The following LRRIQ1 variants were observed in gnomAD, a reference collection of about 807,000 sequenced individuals.
LRRIQ1 encodes the protein leucine rich repeats and IQ motif containing 1, also known as leucine-rich repeat- and IQ domain-containing protein 1.
A neutral mutation model predicts 211.9 loss-of-function variants in LRRIQ1; 210 were observed. That is an observed-to-expected ratio of 0.99 (90% confidence interval 0.89 to 1.11). LRRIQ1 has a LOEUF of 1.11. Ranked by LOEUF, LRRIQ1 falls within the 50% of genes most tolerant of loss-of-function variation. The pLI is 0.00. For synonymous variants in LRRIQ1, 699 were observed against 650.1 expected (o/e 1.08, Z -1.14); for missense variants, 2,136 against 1,939.5 (o/e 1.10, Z -1.90).
At chr12:85,130,039 G>A (rs1016903746) in intron 18 of LRRIQ1, among the ~76,000 whole-genome samples, 1 of 152,104 alleles carries the variant, frequency 6.6e-6, no homozygotes, top group Non-Finnish European at 1.5e-5. Flanking sequence ...TATTTAGGAA[G>A]AGCAACTGGA....
In LRRIQ1 at chr12:85,072,978, T is replaced by G; in HGVS notation, c.2767T>G (p.Ser923Ala). 6.2e-7 allele frequency: 1 copy of G among 1,612,950 alleles called. No individual in the cohort carries two copies. The highest frequency in any genetic ancestry group is 2.2e-5 in the East Asian group (1 of 44,822). Residue 923 changes from serine to alanine, a missense_variant, in exon 11 of 27, where the codon TCT (serine) becomes GCT (alanine). Physicochemically the swap from Ser to Ala is moderately conservative, Grantham distance 99. Transcript: ENST00000393217. ...CTGCCATCACTTGGGCACCTCCACT[T>G]CTTACTTATCCCTGGCACAAGTCTG... is the stretch of plus-strand genomic sequence containing the variant. The part of the protein sequence containing the change: ...GFCHHLGTST[S>A]YLSLAQVWIP...
intron 1 of LRRIQ1, among the ~76,000 whole-genome samples, chr12:85,257,072 A>AT (rs1896123751): frequency 8.7e-6 from 1 of 115,208 alleles, no homozygotes; most frequent in South Asian, 2.2e-4. Context: ...ATAATTATAT[A>AT]AATATATATA....
intron 24 of LRRIQ1, among the ~76,000 whole-genome samples, chr12:85,208,426 T>C (rs1893672506): frequency 6.6e-6 from 1 of 151,976 alleles, no homozygotes; most frequent in Non-Finnish European, 1.5e-5. Flanking sequence ...ATATAGAACA[T>C]AAATTAACTA....
intron 24 of LRRIQ1, among the ~76,000 whole-genome samples, chr12:85,173,333 G>GC: frequency 6.6e-6 from 1 of 152,094 alleles, no homozygotes; most frequent in East Asian, 1.9e-4. Context: ...AAGGCCCTAG[G>GC]CCATTCTTCT....
chr12:85,251,351 CTG>C (rs1895937812), intron 1 of LRRIQ1, among the ~76,000 whole-genome samples: 1 of 151,842 alleles, frequency 6.6e-6, no homozygotes, highest in South Asian at 2.1e-4. Context: ...CTAGGAAAAA[CTG>C]TTAACTAGAG....
At chr12:85,058,594 T>C (rs961121846) in intron 8 of LRRIQ1, among the ~76,000 whole-genome samples, 2 of 151,982 alleles carry the variant, frequency 1.3e-5, no homozygotes, top group Admixed American at 6.6e-5. Context: ...GAAGTTAAGA[T>C]GTGTGAGCCT....
At chr12:85,270,412 T>C in the LRRIQ1 span, among the ~76,000 whole-genome samples, 1 of 152,042 alleles carries the variant, frequency 6.6e-6, no homozygotes, top group African/African-American at 2.4e-5. Flanking sequence ...ACCTGAATAG[T>C]ACTTTGGGGT....
chr12:85,162,198 A>T (rs1270266708), intron 24 of LRRIQ1, among the ~76,000 whole-genome samples: 2 of 152,108 alleles, frequency 1.3e-5, no homozygotes, highest in African/African-American at 2.4e-5. Context: ...ACATTTAAAA[A>T]TTTTGGTGCC....
chr12:85,230,809 G>A (rs561870997), intron 25 of LRRIQ1, among the ~76,000 whole-genome samples: 172 of 152,224 alleles, frequency 1.1e-3, no homozygotes, highest in African/African-American at 3.9e-3. Context: ...CAGCACTTTG[G>A]GAGGCCGAGG....
At chr12:85,176,811 A>G (rs1029635672) in intron 24 of LRRIQ1, among the ~76,000 whole-genome samples, 1 of 152,134 alleles carries the variant, frequency 6.6e-6, no homozygotes, top group Non-Finnish European at 1.5e-5. Context: ...TAGTCATGGT[A>G]ACAATAACAT....
At chr12:85,145,293 G>A (rs1889813734) in intron 19 of LRRIQ1, among the ~76,000 whole-genome samples, 2 of 151,450 alleles carry the variant, frequency 1.3e-5, no homozygotes, top group South Asian at 4.2e-4. Flanking sequence ...AAATTATCAT[G>A]ATAAATTAGC....
chr12:85,165,424 A>C (rs1251684396), intron 24 of LRRIQ1, among the ~76,000 whole-genome samples: 1 of 150,198 alleles, frequency 6.7e-6, no homozygotes, highest in African/African-American at 2.4e-5. Context: ...TAATTGCCTT[A>C]AGATAGTGGC....
At chr12:85,257,218 G>A (rs1896145497) in intron 1 of LRRIQ1, among the ~76,000 whole-genome samples, 2 of 3,682 alleles carry the variant, frequency 5.4e-4, no homozygotes, top group South Asian at 0.031. Context: ...TATAAAGACT[G>A]GTTTCAAAGG....
chr12:85,250,897 A>AAGATTATATAT (rs1895908499), intron 1 of LRRIQ1, among the ~76,000 whole-genome samples: 5 of 96,294 alleles, frequency 5.2e-5, no homozygotes, highest in African/African-American at 2.5e-4. Context: ...AATATATTTT[A>AAGATTATATAT]TATATTATAT....
chr12:85,148,458 T>C (rs1890033677), intron 19 of LRRIQ1, among the ~76,000 whole-genome samples: 1 of 152,000 alleles, frequency 6.6e-6, no homozygotes, highest in Admixed American at 6.6e-5. Context: ...GTTTCACCCA[T>C]GTCCCTGCAA....
intron 24 of LRRIQ1, among the ~76,000 whole-genome samples, chr12:85,179,155 G>GATT (rs1305401903): frequency 6.6e-6 from 1 of 151,738 alleles, no homozygotes; most frequent in Admixed American, 6.6e-5. Flanking sequence ...GAATCTGTTT[G>GATT]ATTATTTTTA....
intron 1 of LRRIQ1, among the ~76,000 whole-genome samples, chr12:85,261,289 A>G (rs1323595193): frequency 2.0e-5 from 3 of 152,130 alleles, no homozygotes; most frequent in Non-Finnish European, 2.9e-5. Context: ...TATTCCCTGT[A>G]TGGAGGTTCA....
At position 85,152,343 on chromosome 12, in the gene LRRIQ1, C is replaced by G. The variant is rs1376407052; in HGVS notation, c.4393C>G (p.Leu1465Val). Residue 1465 changes from leucine to valine, a missense_variant, in exon 20 of 27, where the codon CTT (leucine) becomes GTT (valine). Physicochemically the swap from Leu to Val is conservative, Grantham distance 32. Transcript: ENST00000393217. ...CCGCTTCCCTTCACAAACACTGCTT[C>G]TTTCAAACCAGCTGCATTGGCCAAA... ...STRFPSQTLL[L>V]SNQLHWPKIP... 2.5e-6 allele frequency: 4 copies of G among 1,611,168 alleles called. No individual in the cohort carries two copies. The highest frequency in any genetic ancestry group is 3.4e-5 in the Admixed American group (2 of 59,664).
intron 24 of LRRIQ1, among the ~76,000 whole-genome samples, chr12:85,179,424 T>C (rs901793116): frequency 6.6e-6 from 1 of 151,948 alleles, no homozygotes; most frequent in Non-Finnish European, 1.5e-5. Context: ...ATTTGCAAGA[T>C]TGAGAGATGT....
Sources: gnomAD v4.1 joint callset for allele counts (sites outside exome capture counted in the v4.1 genomes callset) on GRCh38, gnomAD v4.1.1 for gene constraint, MANE v1.5 for transcripts, NCBI Gene and HGNC (gene_info 2026-07-23, HGNC 2026-07-21) for gene names.